MAML2: variants seen among roughly 807,000 people sequenced by gnomAD.
The protein encoded by MAML2 is mastermind-like protein 2.
A neutral mutation model predicts 96.1 loss-of-function variants in MAML2; 22 were observed. The observed-to-expected ratio is 0.23, with a 90% confidence interval of 0.16 to 0.33. The LOEUF is 0.33. Among genes scored for constraint, MAML2 ranks in the 10% least tolerant of loss-of-function variants. The pLI, the probability that MAML2 is intolerant of heterozygous loss-of-function variation, is 1.00. For missense variants in MAML2, 1,367 were observed against 1,392.4 expected, an observed-to-expected ratio of 0.98 and a Z score of 0.29; for synonymous variants, 561 against 521.3, an observed-to-expected ratio of 1.08 and a Z score of -1.04.
At chr11:96,331,022 C>G (rs922121144) in intron 1 of MAML2, among the ~76,000 whole-genome samples, 6 of 152,178 alleles carry the variant, frequency 3.9e-5, no homozygotes, top group African/African-American at 9.7e-5. Context: ...TGGAATCCAG[C>G]ACTTTGGGAG....
chr11:96,139,896 G>T (rs1431926679), intron 1 of MAML2, among the ~76,000 whole-genome samples: 1 of 152,160 alleles, frequency 6.6e-6, no homozygotes, highest in Admixed American at 6.5e-5. Context: ...TCTCCGTGAT[G>T]CAATGAAGGC....
intron 2 of MAML2, among the ~76,000 whole-genome samples, chr11:96,073,938 A>G (rs1355373556): frequency 2.0e-5 from 3 of 152,212 alleles, no homozygotes; most frequent in Non-Finnish European, 4.4e-5. Context: ...GAAAAAAATA[A>G]GATTCATGCA....
chr11:96,082,658 A>G (rs1859545552), intron 2 of MAML2, among the ~76,000 whole-genome samples: 1 of 152,236 alleles, frequency 6.6e-6, no homozygotes, highest in South Asian at 2.1e-4. Context: ...AGAGATAACT[A>G]GAACGCCAGT....
At chr11:96,340,885 T>A (rs766247785) in intron 1 of MAML2, among the ~76,000 whole-genome samples, 4 of 152,170 alleles carry the variant, frequency 2.6e-5, no homozygotes, top group Non-Finnish European at 4.4e-5. Context: ...GCTTACCATT[T>A]ATGTTCTCTT....
chr11:96,063,408 G>C (rs1046746285), intron 2 of MAML2, among the ~76,000 whole-genome samples: 2 of 152,080 alleles, frequency 1.3e-5, no homozygotes, highest in African/African-American at 4.8e-5. Flanking sequence ...ACAGTGCCTG[G>C]GGCATGTAGC....
intron 2 of MAML2, among the ~76,000 whole-genome samples, chr11:96,015,091 G>T (rs1174844341): frequency 3.9e-5 from 6 of 152,170 alleles, no homozygotes; most frequent in Non-Finnish European, 8.8e-5. Flanking sequence ...GTTAGTCAGT[G>T]ATTGAGCCAA....
Position 96,011,618 on chromosome 11 carries a change from T to C in MAML2, c.2140-19895A>G, listed in dbSNP as rs78135796. 8.9e-3 allele frequency among the ~76,000 whole-genome samples: 1,356 copies of C among 152,256 alleles called. 60 individuals are homozygous for C. Among genetic ancestry groups the C allele is most frequent in the Admixed American group, 0.072 (1,105 of 15,298 alleles). ...GGCAGACAAAGTACCCATTGGGTACTATGTTCACTATTTGGGTGACGGGAT... is the reference window on the plus strand; with the variant it reads ...GGCAGACAAAGTACCCATTGGGTACCATGTTCACTATTTGGGTGACGGGAT... On this transcript the variant is annotated intron_variant, in intron 2 of 4. Transcript: ENST00000524717.
intron 2 of MAML2, among the ~76,000 whole-genome samples, chr11:96,049,336 T>G (rs1486464097): frequency 6.6e-6 from 1 of 152,248 alleles, no homozygotes; most frequent in Non-Finnish European, 1.5e-5. Context: ...GATTTCCCTT[T>G]GTCTCACATA....
At chr11:96,271,525 A>C (rs1180406926) in intron 1 of MAML2, among the ~76,000 whole-genome samples, 2 of 152,198 alleles carry the variant, frequency 1.3e-5, no homozygotes, top group Non-Finnish European at 2.9e-5. Flanking sequence ...TCATGGGAGC[A>C]GTTACCTCCA....
chr11:96,253,830 C>CTAA (rs1862621913), intron 1 of MAML2, among the ~76,000 whole-genome samples: 1 of 152,172 alleles, frequency 6.6e-6, no homozygotes, highest in Admixed American at 6.5e-5. Flanking sequence ...ATGGAAACAT[C>CTAA]TAATGTCAAG....
intron 1 of MAML2, among the ~76,000 whole-genome samples, chr11:96,235,653 G>A (rs986470322): frequency 1.3e-5 from 2 of 152,188 alleles, no homozygotes; most frequent in Non-Finnish European, 2.9e-5. Flanking sequence ...AAATGTCTGT[G>A]TTCTAAGGGG....
chr11:96,318,452 G>C (rs964682769), intron 1 of MAML2, among the ~76,000 whole-genome samples: 1 of 152,162 alleles, frequency 6.6e-6, no homozygotes, highest in African/African-American at 2.4e-5. Flanking sequence ...TTAACTAATA[G>C]AAGAATGCAA....
intron 1 of MAML2, among the ~76,000 whole-genome samples, chr11:96,236,280 A>T (rs1038356147): frequency 7.2e-5 from 11 of 152,230 alleles, no homozygotes; most frequent in African/African-American, 9.6e-5. Flanking sequence ...TCACAACAGC[A>T]AAGAATCTTT....
intron 2 of MAML2, among the ~76,000 whole-genome samples, chr11:96,022,803 A>G (rs550983780): frequency 6.6e-6 from 1 of 152,186 alleles, no homozygotes; most frequent in South Asian, 2.1e-4. Context: ...ATGTTTGAGG[A>G]AGCACTTGGC....
chr11:95,980,799 G>T (rs1857724941), intron 4 of MAML2, among the ~76,000 whole-genome samples: 1 of 152,164 alleles, frequency 6.6e-6, no homozygotes, highest in African/African-American at 2.4e-5. Context: ...GAGTCTCAAA[G>T]TGCCTGCCAG....
chr11:95,995,927 AG>A (rs764050599), intron 2 of MAML2, among the ~76,000 whole-genome samples: 6 of 152,194 alleles, frequency 3.9e-5, no homozygotes, highest in Non-Finnish European at 7.3e-5. Flanking sequence ...GACAACAAAA[AG>A]CAATGCATAA....
At chr11:96,328,192 G>T (rs1670979592) in intron 1 of MAML2, among the ~76,000 whole-genome samples, 1 of 152,062 alleles carries the variant, frequency 6.6e-6, no homozygotes, top group African/African-American at 2.4e-5. Context: ...CTAAGCAAAG[G>T]TAAGACCCCA....
intron 1 of MAML2, among the ~76,000 whole-genome samples, chr11:96,237,614 C>T (rs896839256): frequency 6.6e-6 from 1 of 152,192 alleles, no homozygotes; most frequent in African/African-American, 2.4e-5. Flanking sequence ...TCTATAGCAG[C>T]TTTCACATTG....
At chr11:96,082,447 A>G (rs77063501) in intron 2 of MAML2, among the ~76,000 whole-genome samples, 4,294 of 152,266 alleles carry the variant, frequency 0.028, 208 homozygotes, top group African/African-American at 0.098. Flanking sequence ...GGGGATGGAG[A>G]GAGTGAAGGG....
Sources: gnomAD v4.1 joint callset for allele counts (sites outside exome capture counted in the v4.1 genomes callset) on GRCh38, gnomAD v4.1.1 for gene constraint, MANE v1.5 for transcripts, NCBI Gene and HGNC (gene_info 2026-07-23, HGNC 2026-07-21) for gene names.